SYT17: variants seen among roughly 807,000 people sequenced by gnomAD.
SYT17 encodes the protein synaptotagmin 17.
A neutral mutation model predicts 46.7 loss-of-function variants in SYT17; 22 were observed. That is an observed-to-expected ratio of 0.47 (90% confidence interval 0.34 to 0.67). The LOEUF is 0.67. SYT17 is among the 30% of genes least tolerant of loss of function. The pLI, the probability that SYT17 is intolerant of heterozygous loss-of-function variation, is 0.01. For synonymous variants in SYT17, 251 were observed against 248.4 expected (o/e 1.01, Z -0.10); for missense variants, 519 against 612.8 (o/e 0.85, Z 1.62).
intron 7 of SYT17, among the ~76,000 whole-genome samples, chr16:19,247,538 A>G (rs1216107419): frequency 2.0e-5 from 3 of 152,204 alleles, no homozygotes; most frequent in African/African-American, 7.2e-5. Context: ...AGCCAGTGGC[A>G]CAATTTTTAC....
chr16:19,260,980 C>A (rs1354345628), intron 7 of SYT17, among the ~76,000 whole-genome samples: 1 of 152,032 alleles, frequency 6.6e-6, no homozygotes, highest in Non-Finnish European at 1.5e-5. Context: ...TGTCCCTAAG[C>A]CCCTTTCTGG....
intron 7 of SYT17, among the ~76,000 whole-genome samples, chr16:19,246,767 C>G (rs1275598689): frequency 2.6e-5 from 4 of 152,202 alleles, no homozygotes; most frequent in Non-Finnish European, 5.9e-5. Flanking sequence ...CAAATTAGCA[C>G]CTATTTATTC....
In SYT17 at chr16:19,168,606, C is replaced by A. The variant is rs775110485; in HGVS notation, c.-41C>A. 4.4e-4 allele frequency: 679 copies of A among 1,541,368 alleles called. 3 individuals are homozygous for A. The highest frequency in any genetic ancestry group is 3.4e-4 in the Admixed American group (17 of 50,574). On this transcript the variant is annotated 5_prime_UTR_variant, in exon 1 of 8. Transcript: ENST00000355377. This position sits in a 1 kb window ranked among gnomAD's most constrained non-coding sequence, Gnocchi z 6.9. ...GTTGGCGAGGGCAAAGTGGCCGTGGCGGCGCCATGCCCGGGCCGGAGTGAG... is the reference window on the plus strand; with the variant it reads ...GTTGGCGAGGGCAAAGTGGCCGTGGAGGCGCCATGCCCGGGCCGGAGTGAG...
chr16:19,262,482 T>C (rs1459271188), intron 7 of SYT17, among the ~76,000 whole-genome samples: 2 of 152,220 alleles, frequency 1.3e-5, no homozygotes, highest in Non-Finnish European at 2.9e-5. Flanking sequence ...TAATTTGTTA[T>C]AGCAGCCCAG....
At chr16:19,202,260 A>G (rs959117994) in intron 5 of SYT17, among the ~76,000 whole-genome samples, 20 of 152,170 alleles carry the variant, frequency 1.3e-4, no homozygotes, top group African/African-American at 4.6e-4. Flanking sequence ...GGGAGTTCCC[A>G]CGACCCCCTC....
intron 7 of SYT17, among the ~76,000 whole-genome samples, chr16:19,261,010 T>TAA (rs200147970): frequency 6.6e-6 from 1 of 151,378 alleles, no homozygotes; most frequent in African/African-American, 2.4e-5. Flanking sequence ...GTCTAGTCTT[T>TAA]AAAAAAAAAT....
chr16:19,173,189 G>C, intron 2 of SYT17: 1 of 552,294 alleles, frequency 1.8e-6, no homozygotes, highest in South Asian at 2.6e-5. Context: ...CAAATGTTTT[G>C]CTTGCTACTA....
intron 5 of SYT17, among the ~76,000 whole-genome samples, chr16:19,215,111 T>C (rs542140558): frequency 2.6e-5 from 4 of 152,340 alleles, no homozygotes. Flanking sequence ...GCAATAATTC[T>C]CAAATGTAAA....
intron 5 of SYT17, among the ~76,000 whole-genome samples, chr16:19,206,724 T>C (rs1024669600): frequency 6.6e-6 from 1 of 152,116 alleles, no homozygotes; most frequent in South Asian, 2.1e-4. Context: ...ACCTCTGTCC[T>C]CACCTGGCAT....
intron 6 of SYT17, among the ~76,000 whole-genome samples, chr16:19,223,884 G>A (rs896399066): frequency 1.3e-5 from 2 of 152,206 alleles, no homozygotes; most frequent in Non-Finnish European, 2.9e-5. Flanking sequence ...GACTCACCAC[G>A]ATGGGAGAGT....
intron 5 of SYT17, among the ~76,000 whole-genome samples, chr16:19,205,734 G>A (rs229010): frequency 0.24 from 35,829 of 152,088 alleles, 4,457 homozygotes; most frequent in Non-Finnish European, 0.27. Flanking sequence ...CACCGGCCTC[G>A]GCCTCCCAAA....
intron 5 of SYT17, among the ~76,000 whole-genome samples, chr16:19,209,435 A>C (rs1023527369): frequency 6.6e-6 from 1 of 152,116 alleles, no homozygotes; most frequent in East Asian, 1.9e-4. Context: ...AGTCAGGGAA[A>C]CCCAGATTAA....
chr16:19,211,419 C>A, intron 5 of SYT17: 1 of 703,790 alleles, frequency 1.4e-6, no homozygotes, highest in Non-Finnish European at 2.6e-6. Context: ...GTAGTGGACA[C>A]ATGGGCACTT....
intron 7 of SYT17, among the ~76,000 whole-genome samples, chr16:19,232,390 G>C (rs779189327): frequency 2.5e-4 from 38 of 152,158 alleles, no homozygotes; most frequent in Non-Finnish European, 5.4e-4. Flanking sequence ...TAACTCAGGA[G>C]GCCAAGGTGG....
intron 7 of SYT17, among the ~76,000 whole-genome samples, chr16:19,231,455 C>T (rs1195733346): frequency 7.5e-6 from 1 of 132,872 alleles, no homozygotes; most frequent in East Asian, 2.4e-4. Context: ...CCTGTTATCC[C>T]AGCTACTCGG....
chr16:19,230,169 A>G (rs1596987488), intron 7 of SYT17, among the ~76,000 whole-genome samples: 1 of 152,238 alleles, frequency 6.6e-6, no homozygotes, highest in South Asian at 2.1e-4. Context: ...GCACTTTGGG[A>G]GGCCGAAGTG....
intron 7 of SYT17, among the ~76,000 whole-genome samples, chr16:19,243,852 G>A (rs1015992737): frequency 1.5e-5 from 2 of 134,360 alleles, no homozygotes; most frequent in Admixed American, 7.5e-5. Context: ...AAAAAGATAT[G>A]CCCTGACAAC....
intron 5 of SYT17, among the ~76,000 whole-genome samples, chr16:19,187,396 A>AT (rs1964829001): frequency 6.6e-6 from 1 of 152,158 alleles, no homozygotes; most frequent in South Asian, 2.1e-4. Flanking sequence ...TGGGCACCAT[A>AT]TTGAAGACTG....
chr16:19,257,553 A>G (rs1968665173), intron 7 of SYT17, among the ~76,000 whole-genome samples: 1 of 152,188 alleles, frequency 6.6e-6, no homozygotes, highest in Non-Finnish European at 1.5e-5. Flanking sequence ...GGAAGAAAGA[A>G]AAGGGGAAGA....
Sources: allele counts gnomAD v4.1 joint callset (sites outside exome capture counted in the v4.1 genomes callset), GRCh38; gene constraint gnomAD v4.1.1; non-coding constraint Gnocchi (gnomAD v3.1); transcripts MANE v1.5; gene names NCBI Gene and HGNC (gene_info 2026-07-23, HGNC 2026-07-21).